CARMIL1: variants seen among roughly 807,000 people sequenced by gnomAD.
The protein encoded by CARMIL1 is F-actin-uncapping protein LRRC16A.
CARMIL1 carries 90 observed loss-of-function variants against 177.1 expected under a neutral mutation model. That is an observed-to-expected ratio of 0.51 (90% CI 0.43 to 0.61). The LOEUF is 0.61. CARMIL1 is among the 20% of genes least tolerant of loss of function. CARMIL1 has a pLI of 0.00. For missense variants in CARMIL1, 1,380 were observed against 1,667.0 expected, an observed-to-expected ratio of 0.83 and a Z score of 3.00; for synonymous variants, 577 against 606.2, an observed-to-expected ratio of 0.95 and a Z score of 0.71.
chr6:25,334,532 C>A lies in CARMIL1; in HGVS notation c.138+49623C>A, dbSNP rs867121190. Among the ~76,000 whole-genome samples the A allele has an allele frequency of 6.6e-5, 10 of 151,684 alleles. No homozygotes were observed. In the East Asian group the frequency reaches 9.6e-4, roughly 15 times the overall value. On this transcript the variant is annotated intron_variant, in intron 2 of 36. Coordinates refer to ENST00000329474, the MANE Select transcript of CARMIL1 (RefSeq NM_017640.6). The stretch of plus-strand genomic sequence containing the variant: ...ATCTCCATGCCCACATTTCTTGCTT[C>A]TCTCCCTGTTACTGACCCAGATCCT...
At chr6:25,601,345 C>T (rs1288393591) in intron 33 of CARMIL1, among the ~76,000 whole-genome samples, 1 of 152,140 alleles carries the variant, frequency 6.6e-6, no homozygotes, top group East Asian at 1.9e-4. Flanking sequence ...CCAGGGGCCT[C>T]CTGTGCATGT....
intron 8 of CARMIL1, among the ~76,000 whole-genome samples, chr6:25,453,638 G>A (rs1360565852): frequency 6.6e-6 from 1 of 152,226 alleles, no homozygotes; most frequent in Non-Finnish European, 1.5e-5. Context: ...TTGTGCCAGT[G>A]AAGACTCCCG....
At chr6:25,346,957 A>G (rs1244146120) in intron 2 of CARMIL1, among the ~76,000 whole-genome samples, 2 of 152,228 alleles carry the variant, frequency 1.3e-5, no homozygotes, top group African/African-American at 4.8e-5. Context: ...AGTTCTCTCT[A>G]CATGCATTTA....
intron 8 of CARMIL1, chr6:25,451,986 G>GGCC: frequency 1.1e-4 from 12 of 112,664 alleles, no homozygotes; most frequent in South Asian, 2.1e-4. Context: ...CTAGCATCTT[G>GGCC]CCCCCCCCTC....
chr6:25,465,869 C>G lies in CARMIL1; in HGVS notation c.615-4C>G. The G allele has an allele frequency of 6.2e-7, 1 of 1,602,606 alleles. No individual in the cohort carries two copies. The highest frequency in any genetic ancestry group is 8.5e-7 in the Non-Finnish European group (1 of 1,170,006). ...TTCATGTACTTTGTTGTTTCTGCTTCCAGGGACCTAATACCTATCATTGCT... is the reference window on the plus strand; with the variant it reads ...TTCATGTACTTTGTTGTTTCTGCTTGCAGGGACCTAATACCTATCATTGCT... On this transcript the variant is annotated splice_region_variant and splice_polypyrimidine_tract_variant and intron_variant, in intron 8 of 36. Transcript: ENST00000329474.
chr6:25,533,313 C>T (rs1206815271), intron 24 of CARMIL1, among the ~76,000 whole-genome samples: 1 of 152,156 alleles, frequency 6.6e-6, no homozygotes, highest in Non-Finnish European at 1.5e-5. Flanking sequence ...TGGTTAAGAA[C>T]TTGGGCTCTC....
At chr6:25,390,320 A>ATATTT (rs1554184839) in intron 2 of CARMIL1, among the ~76,000 whole-genome samples, 62 of 58,090 alleles carry the variant, frequency 1.1e-3, no homozygotes, top group African/African-American at 3.5e-3. Context: ...ATATATATAT[A>ATATTT]TTTTTTTTTT....
intron 3 of CARMIL1, among the ~76,000 whole-genome samples, chr6:25,423,846 C>T (rs1370955904): frequency 6.6e-6 from 1 of 152,116 alleles, no homozygotes; most frequent in African/African-American, 2.4e-5. Flanking sequence ...GAAAAATGTC[C>T]TCAAGTCTTC....
At position 25,613,120 on chromosome 6, in the gene CARMIL1, G is replaced by A. The variant is rs188290684; in HGVS notation, c.3979+2939G>A. On this transcript the variant is annotated intron_variant, in intron 36 of 36. Transcript: ENST00000329474. ...TAGAAATTCTTATTAGGAAGATCAA[G>A]TTACTTTGGTGACTTGTCCTTTTAA... is the stretch of plus-strand genomic sequence containing the variant. Among the ~76,000 whole-genome samples the A allele has an allele frequency of 4.6e-5, 7 of 152,282 alleles. No individual in the cohort carries two copies. In the East Asian group the frequency reaches 1.2e-3, roughly 25 times the overall value.
rs1554196401 is a variant in CARMIL1 at position 25,441,337 on chromosome 6, A to ATGTGTGTGTGTGTGTGTG, written c.371+5751_371+5768dup. Reference sequence around the variant, plus strand: ...CAAACAAACATATATATATATATATATGTGTGTGTGTGTGTGTGTGTGTGT... The same window carrying ATGTGTGTGTGTGTGTGTG: ...CAAACAAACATATATATATATATATATGTGTGTGTGTGTGTGTGTGTGTGTGTGTGTGTGTGTGTGTGT... On this transcript the variant is annotated intron_variant, in intron 5 of 36. Transcript: ENST00000329474. 3.1e-3 allele frequency among the ~76,000 whole-genome samples: 294 copies of ATGTGTGTGTGTGTGTGTG among 94,518 alleles called. 1 individual carries two copies. The highest frequency in any genetic ancestry group is 0.016 in the Middle Eastern group (3 of 186). 62.0% of individuals were successfully genotyped at this position (94,518 alleles called of 152,430 possible). A position where few individuals can be genotyped will look rare whatever the true frequency, so the allele number is the denominator to read the frequency against.
chr6:25,453,829 G>T (rs1385241118), intron 8 of CARMIL1, among the ~76,000 whole-genome samples: 1 of 152,106 alleles, frequency 6.6e-6, no homozygotes, highest in African/African-American at 2.4e-5. Context: ...AGAACATCTG[G>T]CCTACGGGAG....
chr6:25,351,799 C>A (rs547864168), intron 2 of CARMIL1, among the ~76,000 whole-genome samples: 1 of 151,998 alleles, frequency 6.6e-6, no homozygotes, highest in Admixed American at 6.6e-5. Context: ...CAGTGAATGA[C>A]GATTGTGGAA....
At chr6:25,618,838 A>C (rs934439162) in intron 36 of CARMIL1, among the ~76,000 whole-genome samples, 3 of 152,214 alleles carry the variant, frequency 2.0e-5, no homozygotes, top group African/African-American at 7.2e-5. Flanking sequence ...TGTCATAGGC[A>C]GTATTTAATG....
chr6:25,356,532 C>A lies in CARMIL1; in HGVS notation c.139-63582C>A, dbSNP rs969619539. Among the ~76,000 whole-genome samples the A allele has an allele frequency of 2.0e-5, 3 of 152,170 alleles. No homozygotes were observed. In the South Asian group the frequency reaches 6.2e-4, roughly 32 times the overall value. The stretch of plus-strand genomic sequence containing the variant: ...GGATTCTAGGTGGGTAGGGTGTAAA[C>A]CTCACCAAGTAACTCAGCTGAAAAT... On this transcript the variant is annotated intron_variant, in intron 2 of 36. Transcript: ENST00000329474.
chr6:25,378,615 C>A (rs1246314795), intron 2 of CARMIL1, among the ~76,000 whole-genome samples: 1 of 152,118 alleles, frequency 6.6e-6, no homozygotes, highest in Non-Finnish European at 1.5e-5. Flanking sequence ...CTCATATACT[C>A]CCCACGGCTC....
chr6:25,434,519 T>TA (rs1797067657), intron 4 of CARMIL1, among the ~76,000 whole-genome samples: 4 of 49,016 alleles, frequency 8.2e-5, no homozygotes, highest in African/African-American at 2.2e-4. Context: ...CTCAAAACCA[T>TA]TTTTTTTTTT....
chr6:25,553,578 A>C (rs1810333233), intron 27 of CARMIL1, among the ~76,000 whole-genome samples: 1 of 152,186 alleles, frequency 6.6e-6, no homozygotes. Flanking sequence ...AAGTTTTTTA[A>C]AAGGGTGAGT....
chr6:25,528,824 G>A lies in CARMIL1; in HGVS notation c.1998G>A (p.Glu666=), dbSNP rs1221517377. 11 of 1,608,734 alleles carry A rather than the reference G, an allele frequency of 6.8e-6. No individual in the cohort carries two copies. In the East Asian group the frequency reaches 2.5e-4, roughly 36 times the overall value. The change falls in exon 24 of 37, where the codon GAG becomes GAA. Residue 666 remains glutamate (E), a synonymous_variant. Transcript: ENST00000329474. ...KIENYLLRNH[E]TRKYLQEQAY... is the part of the protein sequence containing the mutation. ...AAAACTACCTGCTACGAAATCACGAGACTAGAAAATACCTTCAAGAGCAGG... is the reference window on the plus strand; with the variant it reads ...AAAACTACCTGCTACGAAATCACGAAACTAGAAAATACCTTCAAGAGCAGG...
intron 2 of CARMIL1, among the ~76,000 whole-genome samples, chr6:25,376,351 A>G (rs1034760245): frequency 3.3e-5 from 5 of 152,198 alleles, no homozygotes; most frequent in Admixed American, 6.5e-5. Flanking sequence ...AAGTGCTGGG[A>G]TTATAGGCAT....
Sources: gnomAD v4.1 joint callset for allele counts (sites outside exome capture counted in the v4.1 genomes callset) on GRCh38, gnomAD v4.1.1 for gene constraint, MANE v1.5 for transcripts, NCBI Gene and HGNC (gene_info 2026-07-23, HGNC 2026-07-21) for gene names.